GGT1: variants seen among roughly 807,000 people sequenced by gnomAD.
GGT1 encodes gamma-glutamyltransferase 1, also known as glutathione hydrolase 1 proenzyme.
GGT1 carries 21 observed loss-of-function variants against 56.0 expected under a neutral mutation model. The observed-to-expected ratio is 0.38, with a 90% confidence interval of 0.27 to 0.54. The LOEUF is 0.54. GGT1 is among the 20% of genes least tolerant of loss of function. The probability of loss-of-function intolerance (pLI) is 0.82; values close to 1 mark genes in which losing one functional copy is unlikely to be tolerated. For synonymous variants in GGT1, 238 were observed against 342.6 expected, an observed-to-expected ratio of 0.69 and a Z score of 3.37; for missense variants, 466 against 787.0, an observed-to-expected ratio of 0.59 and a Z score of 4.88.
the GGT1 span, chr22:24,588,766 C>T: frequency 1.8e-5 from 19 of 1,027,832 alleles, no homozygotes; most frequent in Admixed American, 5.1e-5. Context: ...GCCAGGTCAG[C>T]GTGTTCTTCT....
chr22:24,587,271 G>A, the GGT1 span, among the ~76,000 whole-genome samples: 172 of 152,322 alleles, frequency 1.1e-3, 1 homozygote, highest in Admixed American at 3.9e-3. Flanking sequence ...TGCAGGCTGG[G>A]GGCCGGCCAT....
chr22:24,585,859 G>A, the GGT1 span: 1 of 1,540,326 alleles, frequency 6.5e-7, no homozygotes, highest in Non-Finnish European at 8.7e-7. Context: ...TCACAAGTCA[G>A]TAGCAATGAG....
intron 5 of GGT1, among the ~76,000 whole-genome samples, chr22:24,612,675 C>T (rs565915046): frequency 3.3e-5 from 5 of 151,404 alleles, no homozygotes; most frequent in Non-Finnish European, 5.9e-5. Flanking sequence ...TACAGGCATC[C>T]GCCACCACGC....
intron 1 of GGT1, among the ~76,000 whole-genome samples, chr22:24,604,195 A>G (rs1370903236): frequency 1.4e-5 from 2 of 147,644 alleles, no homozygotes; most frequent in Non-Finnish European, 3.0e-5. Flanking sequence ...CTGGCAGGGT[A>G]AGGGGTGGGT....
chr22:24,622,380 C>T (rs11912608), intron 9 of GGT1, among the ~76,000 whole-genome samples: 4,899 of 152,012 alleles, frequency 0.032, 278 homozygotes, highest in African/African-American at 0.11. Flanking sequence ...CTGGCTAACA[C>T]AGTGAAACCT....
the GGT1 span, chr22:24,588,175 A>G: frequency 7.4e-6 from 11 of 1,486,340 alleles, no homozygotes; most frequent in East Asian, 2.0e-4. Flanking sequence ...GGGACCTTGG[A>G]GCAGCAGTGA....
chr22:24,608,372 C>T (rs188877473), intron 2 of GGT1, among the ~76,000 whole-genome samples: 162 of 152,338 alleles, frequency 1.1e-3, no homozygotes, highest in African/African-American at 3.6e-3. Context: ...CTGGGTGTCC[C>T]CTGCTCCTCC....
At chr22:24,607,917 C>A (rs1022289827) in intron 1 of GGT1, 37 bp from the exon 2 acceptor site, 7 of 456,378 alleles carry the variant, frequency 1.5e-5, no homozygotes, top group Admixed American at 7.2e-5. Context: ...GTGGCTGGGA[C>A]TTTCCCAGGC....
chr22:24,604,509 G>A (rs370919891), intron 1 of GGT1, among the ~76,000 whole-genome samples: 2 of 152,126 alleles, frequency 1.3e-5, no homozygotes, highest in African/African-American at 2.4e-5. Context: ...GTGCTTGCAC[G>A]TGTGTTGGAA....
At chr22:24,596,903 A>T (rs2045701528) in intron 1 of GGT1, among the ~76,000 whole-genome samples, 3 of 116,252 alleles carry the variant, frequency 2.6e-5, no homozygotes, top group Non-Finnish European at 1.7e-5. Context: ...TGACAGAGCG[A>T]GACTCTGTCT....
the GGT1 span, chr22:24,586,124 T>C: frequency 6.2e-7 from 1 of 1,613,212 alleles, no homozygotes; most frequent in Non-Finnish European, 8.5e-7. Flanking sequence ...AGCAGGGAAC[T>C]TGGTGGTGTC....
At chr22:24,586,132 G>A in the GGT1 span, 1 of 1,613,268 alleles carries the variant, frequency 6.2e-7, no homozygotes, top group Non-Finnish European at 8.5e-7. Flanking sequence ...ACTTGGTGGT[G>A]TCCTTGATGG....
In GGT1 at chr22:24,627,888, C is replaced by T. The variant is rs1435377856; in HGVS notation, c.1245C>T (p.Ile415=). 1.2e-6 allele frequency: 2 copies of T among 1,613,940 alleles called. No homozygotes were observed. Among genetic ancestry groups the T allele is most frequent in the Admixed American group, 1.7e-5 (1 of 60,010 alleles). Residue 415 remains isoleucine, a synonymous_variant, in exon 13 of 16, where the codon ATC becomes ATT. Coordinates refer to ENST00000400382, the MANE Select transcript of GGT1 (RefSeq NM_001288833.2). The part of the protein sequence containing the change: ...GSKVRSPVSG[I]LFNNEMDDFS... ...AGGTCCGCTCCCCGGTCAGCGGGAT[C>T]CTGTTCAATAATGAAATGGACGACT...
intron 1 of GGT1, among the ~76,000 whole-genome samples, chr22:24,604,042 C>T (rs2045872019): frequency 1.3e-5 from 2 of 152,016 alleles, no homozygotes; most frequent in South Asian, 2.1e-4. Context: ...GGCTCTGTGC[C>T]GCAAGGGTGG....
At chr22:24,618,825 A>G (rs4049851) in intron 7 of GGT1, among the ~76,000 whole-genome samples, 4,867 of 152,192 alleles carry the variant, frequency 0.032, 270 homozygotes, top group African/African-American at 0.11. Context: ...CAAGAGCAGG[A>G]GAGTCCCTGG....
the GGT1 span, chr22:24,586,018 T>C: frequency 8.7e-6 from 14 of 1,610,056 alleles, no homozygotes; most frequent in Admixed American, 1.7e-5. Context: ...TGGTGGGGAG[T>C]GAGGTGCGCT....
chr22:24,592,627 C>A, upstream of GGT1: 1 of 586,022 alleles, frequency 1.7e-6, no homozygotes, highest in Non-Finnish European at 2.8e-6. Flanking sequence ...CTCCTCCACA[C>A]GGTCCGCCGA....
chr22:24,617,054 G>A (rs927324870), intron 7 of GGT1, among the ~76,000 whole-genome samples: 83 of 152,322 alleles, frequency 5.4e-4, no homozygotes, highest in African/African-American at 1.1e-3. Context: ...GATGAAATCT[G>A]TGACACTCCA....
In GGT1 at chr22:24,611,073, A is replaced by G; in HGVS notation, c.-7-2A>G. 6.3e-7 allele frequency: 1 copy of G among 1,599,382 alleles called. No individual in the cohort carries two copies. Among genetic ancestry groups the G allele is most frequent in the Non-Finnish European group, 8.5e-7 (1 of 1,173,514 alleles). On this transcript the variant is annotated splice_acceptor_variant, in intron 4 of 15. Transcript: ENST00000400382. LOFTEE classifies it low-confidence loss of function (5UTR_SPLICE). ...ACCCTGCTTCTTACCCCGTGGGTGC[A>G]GCAGAGCCATGAAGAAGAAGTTAGT...
Sources: gnomAD v4.1 joint callset for allele counts (sites outside exome capture counted in the v4.1 genomes callset) on GRCh38, gnomAD v4.1.1 for gene constraint, MANE v1.5 for transcripts, NCBI Gene and HGNC (gene_info 2026-07-23, HGNC 2026-07-21) for gene names.